Variants in EPHB1 observed in about 807,000 individuals in gnomAD.
EPHB1 encodes EPH receptor B1.
EPHB1 carries 30 observed loss-of-function variants against 94.4 expected under a neutral mutation model. The observed-to-expected ratio is 0.32, with a 90% CI of 0.24 to 0.43. The LOEUF (loss-of-function observed/expected upper bound fraction) is 0.43, where lower values mean the gene tolerates loss of function less well. Ranked by LOEUF, EPHB1 falls within the 20% of genes least tolerant of loss-of-function variation. The pLI is 1.00. For missense variants in EPHB1, 1,055 were observed against 1,308.3 expected (o/e 0.81, Z 2.99); for synonymous variants, 522 against 489.1 (o/e 1.07, Z -0.89).
chr3:134,814,473 A>G (rs2036230881), intron 1 of EPHB1, among the ~76,000 whole-genome samples: 2 of 152,104 alleles, frequency 1.3e-5, no homozygotes, highest in South Asian at 4.2e-4. Flanking sequence ...AGGTCAGGGG[A>G]CAGTTAGTTT....
chr3:134,853,875 G>A (rs138420002), intron 1 of EPHB1, among the ~76,000 whole-genome samples: 6 of 152,286 alleles, frequency 3.9e-5, no homozygotes, highest in Admixed American at 2.6e-4. Context: ...CACATCTCCT[G>A]CAGTGCATTG....
chr3:135,131,522 C>T (rs1483505928), intron 4 of EPHB1, among the ~76,000 whole-genome samples: 1 of 152,150 alleles, frequency 6.6e-6, no homozygotes, highest in Non-Finnish European at 1.5e-5. Flanking sequence ...AGGGGGGCTT[C>T]CGGGCAGGAT....
chr3:135,039,681 C>T (rs759972452), intron 3 of EPHB1, among the ~76,000 whole-genome samples: 78 of 152,350 alleles, frequency 5.1e-4, no homozygotes, highest in Admixed American at 8.5e-4. Flanking sequence ...GCTGCTAAGT[C>T]CCCCCTTGCT....
chr3:134,797,071 A>T (rs943376290), intron 1 of EPHB1, among the ~76,000 whole-genome samples: 1 of 152,062 alleles, frequency 6.6e-6, no homozygotes, highest in Non-Finnish European at 1.5e-5. Flanking sequence ...ACCGCATCCC[A>T]CGTTTGTTCT....
chr3:134,852,284 T>C (rs970305445), intron 1 of EPHB1, among the ~76,000 whole-genome samples: 2 of 151,914 alleles, frequency 1.3e-5, no homozygotes, highest in African/African-American at 4.8e-5. Context: ...ACTCCCACCC[T>C]GGCAAGCAGC....
rs139398438 is a variant in EPHB1, at chr3:135,257,931, G to T, written c.2847-1081G>T. On this transcript the variant is annotated intron_variant, in intron 15 of 15. Transcript: ENST00000398015. ...AATCTCGTGGTGCGCCGTGTTTTAA[G>T]CCTGTCGGAAAAGTGCAGTATTCGG... is the stretch of plus-strand genomic sequence containing the variant. Among the ~76,000 whole-genome samples the T allele has an allele frequency of 6.6e-3, 1,000 of 152,306 alleles. 13 individuals are homozygous for T. The highest frequency in any genetic ancestry group is 0.023 in the African/African-American group (958 of 41,564).
chr3:134,877,131 T>C (rs1302286478), intron 1 of EPHB1, among the ~76,000 whole-genome samples: 1 of 152,108 alleles, frequency 6.6e-6, no homozygotes, highest in African/African-American at 2.4e-5. Flanking sequence ...GGGGTCATGG[T>C]CCTGGCAATA....
rs533164873 is a variant in EPHB1, at chr3:135,129,575, G to T, written c.962-3139G>T. On this transcript the variant is annotated intron_variant, in intron 4 of 15. Transcript: ENST00000398015. ...CAGGTGGGAGGGCAAAGTGCTGTCT[G>T]GGGATAGTAATTACAGAAACAGACC... Among the ~76,000 whole-genome samples, 8 of 152,330 alleles carry T rather than the reference G, an allele frequency of 5.3e-5. No individual in the cohort carries two copies. In the South Asian group the frequency reaches 8.3e-4, roughly 16 times the overall value.
chr3:134,978,808 A>G (rs1381298331), intron 3 of EPHB1, among the ~76,000 whole-genome samples: 1 of 152,238 alleles, frequency 6.6e-6, no homozygotes, highest in African/African-American at 2.4e-5. Context: ...TCTGGCACCT[A>G]GCATGGTGGA....
At chr3:135,140,261 G>A (rs966326254) in intron 5 of EPHB1, among the ~76,000 whole-genome samples, 4 of 152,124 alleles carry the variant, frequency 2.6e-5, no homozygotes, top group African/African-American at 9.7e-5. Context: ...AAAGAGGATG[G>A]GAGGGAGGAG....
intron 4 of EPHB1, among the ~76,000 whole-genome samples, chr3:135,114,965 T>A (rs1939630801): frequency 6.6e-6 from 1 of 152,146 alleles, no homozygotes; most frequent in South Asian, 2.1e-4. Context: ...CTTGTGGAAA[T>A]CTAGGTTTAC....
chr3:135,107,698 T>C (rs1473934524), intron 4 of EPHB1, among the ~76,000 whole-genome samples: 1 of 152,168 alleles, frequency 6.6e-6, no homozygotes, highest in African/African-American at 2.4e-5. Flanking sequence ...AAGAATTACT[T>C]AATTCCAGCC....
At chr3:134,899,993 A>T (rs748517108) in intron 1 of EPHB1, among the ~76,000 whole-genome samples, 2 of 152,192 alleles carry the variant, frequency 1.3e-5, no homozygotes, top group South Asian at 4.1e-4. Context: ...TATGGAGGTC[A>T]TTGTGTCTAT....
rs2107715824 is a variant in EPHB1 at position 134,951,719 on chromosome 3, G to A, written c.472G>A (p.Val158Ile). 1 of 1,614,100 alleles carries A rather than the reference G, an allele frequency of 6.2e-7. No homozygotes were observed. The highest frequency in any genetic ancestry group is 8.5e-7 in the Non-Finnish European group (1 of 1,179,988). Reference protein sequence around the residue: ...QVDFGGRLMKVNTEVRSFGPL... With the variant: ...QVDFGGRLMKINTEVRSFGPL... ...GGACTTTGGGGGAAGGCTGATGAAG[G>A]TAAACACAGAAGTCAGGAGCTTTGG... Residue 158 changes from valine (V) to isoleucine (I), a missense_variant, in exon 3 of 16, where the codon GTA (valine) becomes ATA (isoleucine). Physicochemically the swap from Val to Ile is conservative, Grantham distance 29. Transcript: ENST00000398015. The surrounding 1 kb of genome is among the most constrained non-coding windows in gnomAD (Gnocchi z 4.5).
intron 1 of EPHB1, among the ~76,000 whole-genome samples, chr3:134,800,071 T>C (rs1296972653): frequency 2.6e-5 from 4 of 152,106 alleles, no homozygotes. Flanking sequence ...AGGATGGAGA[T>C]GAAATCAACA....
chr3:134,988,357 A>G (rs1934674097), intron 3 of EPHB1, among the ~76,000 whole-genome samples: 1 of 152,228 alleles, frequency 6.6e-6, no homozygotes, highest in Admixed American at 6.5e-5. Flanking sequence ...CAGTATTGTC[A>G]TTGGCATTCC....
chr3:134,933,018 G>T (rs1390565725), intron 2 of EPHB1, among the ~76,000 whole-genome samples: 1 of 152,100 alleles, frequency 6.6e-6, no homozygotes, highest in Non-Finnish European at 1.5e-5. Flanking sequence ...ATGACTTTTT[G>T]GTGGCCAGTG....
rs780036502 is a variant in EPHB1, at chr3:135,106,456, G to T, written c.814G>T (p.Ala272Ser). Residue 272 changes from alanine (A) to serine (S), a missense_variant, in exon 4 of 16, where the codon GCA (alanine) becomes TCA (serine). Ala to Ser is a moderately conservative substitution (Grantham distance 99). Coordinates refer to ENST00000398015, the MANE Select transcript of EPHB1 (RefSeq NM_004441.5). ...ENSVACKACP[A>S]GTFKASQEAE... ...GTCTCTTTGTGTTCTAGCTTGCCCT[G>T]CAGGGACATTCAAGGCCAGCCAGGA... is the stretch of plus-strand genomic sequence containing the variant. The T allele has an allele frequency of 3.7e-6, 6 of 1,613,952 alleles. No homozygotes were observed. Among genetic ancestry groups the T allele is most frequent in the Non-Finnish European group, 5.1e-6 (6 of 1,179,882 alleles).
chr3:134,935,418 A>G (rs2038982082), intron 2 of EPHB1, among the ~76,000 whole-genome samples: 1 of 152,214 alleles, frequency 6.6e-6, no homozygotes. Context: ...GGCAAAAGCT[A>G]TAGAATAAGT....
Sources: allele counts gnomAD v4.1 joint callset (sites outside exome capture counted in the v4.1 genomes callset), GRCh38; gene constraint gnomAD v4.1.1; non-coding constraint Gnocchi (gnomAD v3.1); transcripts MANE v1.5; gene names NCBI Gene and HGNC (gene_info 2026-07-23, HGNC 2026-07-21).